The following SYCP2L variants were observed in gnomAD, a reference collection of about 807,000 sequenced individuals.
SYCP2L encodes the protein synaptonemal complex protein 2 like, also known as synaptonemal complex protein 2-like.
A neutral mutation model predicts 125.8 loss-of-function variants in SYCP2L; 98 were observed. The ratio of observed to expected loss-of-function variants is 0.78; its 90% CI spans 0.66 to 0.92. The LOEUF is 0.92. SYCP2L is among the 40% of genes least tolerant of loss of function. The pLI, the probability that SYCP2L is intolerant of heterozygous loss-of-function variation, is 0.00. For synonymous variants in SYCP2L, 317 were observed against 325.4 expected, an observed-to-expected ratio of 0.97 and a Z score of 0.28; for missense variants, 842 against 936.4, an observed-to-expected ratio of 0.90 and a Z score of 1.32.
At chr6:10,941,221 C>G (rs1309972056) in intron 21 of SYCP2L, among the ~76,000 whole-genome samples, 2 of 152,146 alleles carry the variant, frequency 1.3e-5, no homozygotes, top group Non-Finnish European at 2.9e-5. Flanking sequence ...CTCAGCAATA[C>G]CATTCAGGAC....
chr6:10,942,004 G>T (rs893714809), intron 21 of SYCP2L, among the ~76,000 whole-genome samples: 1 of 151,948 alleles, frequency 6.6e-6, no homozygotes, highest in Non-Finnish European at 1.5e-5. Context: ...GTCCTTTGTA[G>T]GGACATGGAT....
chr6:10,945,505 C>T (rs1247308630), intron 23 of SYCP2L, among the ~76,000 whole-genome samples: 1 of 152,080 alleles, frequency 6.6e-6, no homozygotes, highest in Non-Finnish European at 1.5e-5. Flanking sequence ...CGTGGTGGCT[C>T]ACACCTGTAA....
rs934864956 is a variant in SYCP2L at position 10,956,136 on chromosome 6, A to G, written c.2057A>G (p.Glu686Gly). ...FSITEERELP[E>G]GISTSSLEVV... ...TCCATGTTTTGTTTTTGTTTTCCAG[A>G]AGGAATTTCCACTTCATCCCTAGAA... The change falls in exon 25 of 30, where the codon GAA (glutamate) becomes GGA (glycine). Residue 686 changes from glutamate to glycine, a missense_variant and splice_region_variant. Transcript: ENST00000283141. 18 of 1,612,192 alleles carry G rather than the reference A, an allele frequency of 1.1e-5. No homozygotes were observed. Among genetic ancestry groups the G allele is most frequent in the African/African-American group, 2.7e-5 (2 of 74,860 alleles).
Position 10,909,457 on chromosome 6 carries a change from A to G in SYCP2L, c.820-691A>G, listed in dbSNP as rs1391058902. Among the ~76,000 whole-genome samples, 3 of 152,262 alleles carry G rather than the reference A, an allele frequency of 2.0e-5. No individual in the cohort carries two copies. The East Asian group carries it at 5.8e-4, about 29-fold the overall frequency. On this transcript the variant is annotated intron_variant, in intron 10 of 29. Coordinates refer to ENST00000283141, the MANE Select transcript of SYCP2L (RefSeq NM_001040274.3). Reference sequence around the variant, plus strand: ...TTGCTTTTTTGCATGAAAGGCTTACACTGCTGAGGTCTATTTACTCCTGAA... The same window carrying G: ...TTGCTTTTTTGCATGAAAGGCTTACGCTGCTGAGGTCTATTTACTCCTGAA...
intron 12 of SYCP2L, among the ~76,000 whole-genome samples, chr6:10,911,997 G>A (rs573680369): frequency 7.2e-6 from 1 of 139,816 alleles, no homozygotes; most frequent in Non-Finnish European, 1.5e-5. Context: ...CGCCTCCCGG[G>A]TTCATGCCAT....
intron 21 of SYCP2L, among the ~76,000 whole-genome samples, chr6:10,938,330 G>A (rs1363385344): frequency 6.6e-6 from 1 of 152,036 alleles, no homozygotes; most frequent in African/African-American, 2.4e-5. Flanking sequence ...TTCAATAGAT[G>A]CAAAAAAAGC....
intron 20 of SYCP2L, among the ~76,000 whole-genome samples, chr6:10,932,083 A>G (rs1275657917): frequency 8.6e-5 from 13 of 151,352 alleles, no homozygotes; most frequent in Middle Eastern, 3.4e-3. Flanking sequence ...ATTTCCTGCA[A>G]ATTTACTCTT....
intron 14 of SYCP2L, among the ~76,000 whole-genome samples, chr6:10,923,707 G>A (rs1261733201): frequency 1.6e-5 from 2 of 126,664 alleles, no homozygotes; most frequent in African/African-American, 3.0e-5. Flanking sequence ...TTCTTGAGAC[G>A]GAGTCTAGCT....
intron 20 of SYCP2L, among the ~76,000 whole-genome samples, chr6:10,934,696 T>C (rs1359527701): frequency 6.6e-6 from 1 of 152,198 alleles, no homozygotes; most frequent in African/African-American, 2.4e-5. Context: ...TAACTGGAAA[T>C]TGGAAATTCA....
intron 6 of SYCP2L, 114 bp from the exon 7 acceptor site, chr6:10,902,562 GT>G: frequency 1.2e-6 from 1 of 818,614 alleles, no homozygotes; most frequent in Non-Finnish European, 1.9e-6. Flanking sequence ...TGCAAAGTGG[GT>G]TATATTGTAG....
chr6:10,924,444 A>G, intron 14 of SYCP2L, 52 bp from the exon 15 acceptor site: 1 of 1,402,866 alleles, frequency 7.1e-7, no homozygotes, highest in Non-Finnish European at 9.4e-7. Flanking sequence ...AAATTTTAAA[A>G]TAAAACATTG....
At chr6:10,898,379 G>C (rs1010594972) in intron 5 of SYCP2L, among the ~76,000 whole-genome samples, 1 of 152,084 alleles carries the variant, frequency 6.6e-6, no homozygotes, top group African/African-American at 2.4e-5. Flanking sequence ...CGGGCGTGGT[G>C]GTGGGCGCCT....
intron 17 of SYCP2L, among the ~76,000 whole-genome samples, 160 bp downstream of exon 17, chr6:10,927,527 A>G (rs1342584674): frequency 2.6e-5 from 4 of 152,184 alleles, no homozygotes; most frequent in Non-Finnish European, 5.9e-5. Context: ...AGTTTTTATT[A>G]GGGATTTTCA....
At chr6:10,925,811 G>T (rs1266141937) in intron 15 of SYCP2L, among the ~76,000 whole-genome samples, 1 of 152,200 alleles carries the variant, frequency 6.6e-6, no homozygotes, top group Admixed American at 6.5e-5. Flanking sequence ...AATTACATAT[G>T]TTCTGAAGAC....
intron 1 of SYCP2L, among the ~76,000 whole-genome samples, chr6:10,887,556 C>T (rs1780096163): frequency 6.6e-6 from 1 of 152,026 alleles, no homozygotes; most frequent in African/African-American, 2.4e-5. Context: ...GATAAAGCTA[C>T]AATTATTACT....
chr6:10,922,611 G>A (rs76756008), intron 14 of SYCP2L: 33,701 of 151,824 alleles, frequency 0.22, 4,503 homozygotes, highest in East Asian at 0.38. Flanking sequence ...GACTACAGGC[G>A]CCCGCCACCA....
At chr6:10,934,038 G>C (rs1425053685) in intron 20 of SYCP2L, among the ~76,000 whole-genome samples, 1 of 152,188 alleles carries the variant, frequency 6.6e-6, no homozygotes, top group Non-Finnish European at 1.5e-5. Flanking sequence ...GGCAGGTAGA[G>C]CAGGAATGTT....
At chr6:10,933,667 A>G (rs903632030) in intron 20 of SYCP2L, among the ~76,000 whole-genome samples, 8 of 152,190 alleles carry the variant, frequency 5.3e-5, no homozygotes, top group Admixed American at 1.3e-4. Flanking sequence ...TTTTGTGGCT[A>G]CGTTTATTAG....
intron 2 of SYCP2L, among the ~76,000 whole-genome samples, chr6:10,891,925 G>A (rs535184462): frequency 3.3e-4 from 51 of 152,316 alleles, no homozygotes; most frequent in Admixed American, 1.2e-3. Flanking sequence ...TAGAAACAAC[G>A]TCTGCCTTTA....
Sources: allele counts gnomAD v4.1 joint callset (sites outside exome capture counted in the v4.1 genomes callset), GRCh38; gene constraint gnomAD v4.1.1; transcripts MANE v1.5; gene names NCBI Gene and HGNC (gene_info 2026-07-23, HGNC 2026-07-21).